Variants in EDA2R observed in about 807,000 individuals in gnomAD.
EDA2R encodes the protein ectodysplasin A2 receptor, also known as tumor necrosis factor receptor superfamily member 27.
In EDA2R, 26 loss-of-function variants were observed where a neutral mutation model predicts 20.1. That is an observed-to-expected ratio of 1.30 (90% CI 0.95 to 1.80). The LOEUF (loss-of-function observed/expected upper bound fraction) is 1.80. EDA2R is among the 40% of genes most tolerant of loss of function. The pLI, the probability that EDA2R is intolerant of heterozygous loss-of-function variation, is 0.00. For missense variants in EDA2R, 277 were observed against 228.7 expected, an observed-to-expected ratio of 1.21 and a Z score of -1.36; for synonymous variants, 114 against 88.7, an observed-to-expected ratio of 1.29 and a Z score of -1.60.
rs901417532 is a variant in EDA2R, at chrX:66,597,102, A to C, written c.*1002T>G. The C allele has an allele frequency of 1.8e-5, 2 of 113,119 alleles. No homozygotes were observed. The highest frequency in any genetic ancestry group is 6.4e-5 in the African/African-American group (2 of 31,166). 9.3% of individuals were successfully genotyped at this position (113,119 alleles called of 1,213,427 possible). A position where few individuals can be genotyped will look rare whatever the true frequency, so the allele number is the denominator to read the frequency against. On this transcript the variant is annotated 3_prime_UTR_variant, in exon 7 of 7. Transcript: ENST00000374719. ...AGTGCACATTCTGCCTAATGTACTT[A>C]ATAAACCACTTAATAGTTGTGGGAC...
intron 1 of EDA2R, among the ~76,000 whole-genome samples, chrX:66,628,617 C>T (rs1406031905): frequency 1.8e-5 from 2 of 108,689 alleles, no homozygotes; most frequent in African/African-American, 6.7e-5. Flanking sequence ...TGGAAAAATA[C>T]ACCCCCCCAG....
At chrX:66,632,391 T>G (rs1163288886) in intron 1 of EDA2R, among the ~76,000 whole-genome samples, 2 of 109,635 alleles carry the variant, frequency 1.8e-5, no homozygotes, top group Non-Finnish European at 3.8e-5. Context: ...GCCACTGTAC[T>G]GCAGCCTGGG....
At chrX:66,627,172 G>T (rs1240593963) in intron 1 of EDA2R, among the ~76,000 whole-genome samples, 2 of 111,757 alleles carry the variant, frequency 1.8e-5, no homozygotes, top group Non-Finnish European at 3.8e-5. Flanking sequence ...CCTCTTTAAA[G>T]CATAAATCAC....
intron 1 of EDA2R, among the ~76,000 whole-genome samples, chrX:66,636,576 G>A (rs901030827): frequency 2.7e-5 from 3 of 109,865 alleles, no homozygotes; most frequent in South Asian, 4.0e-4. Flanking sequence ...ACAGTCCAAG[G>A]CTTTCCCTGA....
chrX:66,631,632 G>A (rs1422959407), intron 1 of EDA2R, among the ~76,000 whole-genome samples: 1 of 111,292 alleles, frequency 9.0e-6, no homozygotes, highest in Non-Finnish European at 1.9e-5. Context: ...GTTTGATAGG[G>A]TTACTGCCCA....
At chrX:66,617,827 T>TTCCC (rs368289603) in intron 1 of EDA2R, among the ~76,000 whole-genome samples, 5,090 of 105,919 alleles carry the variant, frequency 0.048, 431 homozygotes, top group African/African-American at 0.18. Flanking sequence ...CCCCTCTTTT[T>TTCCC]TCCCTCCCTC....
At chrX:66,622,341 G>A (rs1415441667) in intron 1 of EDA2R, among the ~76,000 whole-genome samples, 3 of 111,835 alleles carry the variant, frequency 2.7e-5, no homozygotes. Flanking sequence ...TCTGCTGGAT[G>A]TGAGGTACCC....
rs1387946159 is a variant in EDA2R at position 66,597,142 on chromosome X, C to A, written c.*962G>T. On this transcript the variant is annotated 3_prime_UTR_variant, in exon 7 of 7. Coordinates refer to ENST00000374719, the MANE Select transcript of EDA2R (RefSeq NM_021783.5). ...AGTTGTGGGACAGGAACTAGCTGTACAAGTTTCAGACAGATTCTTGGAGAA... is the reference window on the plus strand; with the variant it reads ...AGTTGTGGGACAGGAACTAGCTGTAAAAGTTTCAGACAGATTCTTGGAGAA... 5 of 112,941 alleles carry A rather than the reference C, an allele frequency of 4.4e-5. No homozygotes were observed. The highest frequency in any genetic ancestry group is 1.6e-4 in the African/African-American group (5 of 31,105). 9.3% of individuals were successfully genotyped at this position (112,941 alleles called of 1,213,427 possible).
chrX:66,602,628 C>T lies in EDA2R; in HGVS notation c.517+5G>A. On this transcript the variant is annotated splice_donor_5th_base_variant and intron_variant, in intron 5 of 6. Transcript: ENST00000374719. ...TCATGTGAAACATGAAACAGCCACCCTTACCACGCTGGCAATGTCTGTTGA... is the reference window on the plus strand; with the variant it reads ...TCATGTGAAACATGAAACAGCCACCTTTACCACGCTGGCAATGTCTGTTGA... 8.4e-7 allele frequency: 1 copy of T among 1,190,627 alleles called. No individual in the cohort carries two copies.
In EDA2R at chrX:66,605,053, C is replaced by T. The variant is rs1216447298; in HGVS notation, c.261G>A (p.Leu87=). ...GTCTCATAAAGCAAGCTCACCTGGG[C>T]AAACAGTCCCCACAGACAGCATTAG... The part of the protein sequence containing the change: ...ATSNAVCGDC[L]PRFYRKTRIG... The change falls in exon 3 of 7, where the codon TTG becomes TTA. Residue 87 remains leucine (L), a synonymous_variant. Coordinates refer to ENST00000374719, the MANE Select transcript of EDA2R (RefSeq NM_021783.5). The T allele has an allele frequency of 8.3e-7, 1 of 1,200,722 alleles. No individual in the cohort carries two copies. Among genetic ancestry groups the T allele is most frequent in the Admixed American group, 2.2e-5 (1 of 45,045 alleles).
intron 1 of EDA2R, among the ~76,000 whole-genome samples, chrX:66,623,906 A>G (rs1361846590): frequency 8.9e-6 from 1 of 112,111 alleles, no homozygotes; most frequent in East Asian, 2.8e-4. Flanking sequence ...ATTCTTTTCC[A>G]TAGCACATAT....
chrX:66,601,020 C>A (rs1928493941), intron 5 of EDA2R, among the ~76,000 whole-genome samples: 1 of 111,984 alleles, frequency 8.9e-6, no homozygotes, highest in Non-Finnish European at 1.9e-5. Flanking sequence ...ATTTAATTCG[C>A]ACATACATCT....
chrX:66,624,237 G>A (rs1433243402), intron 1 of EDA2R, among the ~76,000 whole-genome samples: 1 of 112,021 alleles, frequency 8.9e-6, no homozygotes, highest in Non-Finnish European at 1.9e-5. Flanking sequence ...TAATAAATTT[G>A]GGCAGGTGCA....
intron 5 of EDA2R, among the ~76,000 whole-genome samples, chrX:66,600,264 C>T (rs1233564067): frequency 3.6e-5 from 4 of 111,420 alleles, no homozygotes; most frequent in Admixed American, 9.5e-5. Context: ...TCCTGGATTA[C>T]TCTATGGGTC....
At chrX:66,614,677 C>T (rs368167244) in intron 2 of EDA2R, among the ~76,000 whole-genome samples, 5 of 111,935 alleles carry the variant, frequency 4.5e-5, no homozygotes, top group Non-Finnish European at 5.6e-5. Flanking sequence ...GATATCCCTG[C>T]GCCTTATTCT....
chrX:66,624,803 G>A (rs890435586), intron 1 of EDA2R, among the ~76,000 whole-genome samples: 2 of 111,801 alleles, frequency 1.8e-5, no homozygotes, highest in Admixed American at 9.4e-5. Context: ...CAGGACCCAG[G>A]AGACACTCCA....
intron 1 of EDA2R, among the ~76,000 whole-genome samples, chrX:66,626,253 G>A (rs1338355808): frequency 9.0e-6 from 1 of 111,376 alleles, no homozygotes; most frequent in African/African-American, 3.3e-5. Context: ...CCAATGCAAG[G>A]AAATCTAAAA....
intron 2 of EDA2R, among the ~76,000 whole-genome samples, chrX:66,609,523 G>T (rs761747938): frequency 8.9e-6 from 1 of 111,883 alleles, no homozygotes; most frequent in East Asian, 2.8e-4. Context: ...TGCACCACTG[G>T]AATGGTGATA....
At chrX:66,610,796 G>A (rs865930644) in intron 2 of EDA2R, among the ~76,000 whole-genome samples, 1 of 111,361 alleles carries the variant, frequency 9.0e-6, no homozygotes, top group Admixed American at 9.5e-5. Flanking sequence ...GGCACAAATT[G>A]TTGGCCTGAG....
Sources: allele counts gnomAD v4.1 joint callset (sites outside exome capture counted in the v4.1 genomes callset), GRCh38; gene constraint gnomAD v4.1.1; transcripts MANE v1.5; gene names NCBI Gene and HGNC (gene_info 2026-07-23, HGNC 2026-07-21).